The following CPSF3 variants were observed in gnomAD, a reference collection of about 807,000 sequenced individuals.
CPSF3 encodes the protein cleavage and polyadenylation specificity factor subunit 3.
In CPSF3, 57 loss-of-function variants were observed where a neutral mutation model predicts 84.1. The observed-to-expected ratio is 0.68, with a 90% CI of 0.55 to 0.85. CPSF3 has a LOEUF of 0.85. CPSF3 is among the 40% of genes least tolerant of loss of function. CPSF3 has a pLI of 0.00. For synonymous variants in CPSF3, 275 were observed against 278.1 expected, an observed-to-expected ratio of 0.99 and a Z score of 0.11; for missense variants, 522 against 838.8, an observed-to-expected ratio of 0.62 and a Z score of 4.66.
chr2:9,427,131 G>A (rs1680421083), intron 1 of CPSF3, among the ~76,000 whole-genome samples: 1 of 152,210 alleles, frequency 6.6e-6, no homozygotes, highest in African/African-American at 2.4e-5. Context: ...AGAGCAGACA[G>A]TGAGGAAAAT....
intron 11 of CPSF3, among the ~76,000 whole-genome samples, chr2:9,451,949 C>G (rs554664896): frequency 6.6e-6 from 1 of 152,182 alleles, no homozygotes; most frequent in East Asian, 2.0e-4. Flanking sequence ...ATCTCGTGAC[C>G]TCATGATCCG....
At chr2:9,431,840 C>T (rs937728233) in intron 4 of CPSF3, among the ~76,000 whole-genome samples, 3 of 152,002 alleles carry the variant, frequency 2.0e-5, no homozygotes, top group African/African-American at 4.8e-5. Context: ...GTTGAGCCAC[C>T]GCACCCAGCC....
intron 10 of CPSF3, among the ~76,000 whole-genome samples, chr2:9,444,223 G>T (rs1477057261): frequency 1.3e-5 from 2 of 148,518 alleles, no homozygotes; most frequent in East Asian, 3.9e-4. Context: ...CCGCCTCCCG[G>T]GTTCAAGCAG....
chr2:9,426,564 A>C (rs1680400260), intron 1 of CPSF3, among the ~76,000 whole-genome samples: 2 of 152,208 alleles, frequency 1.3e-5, no homozygotes, highest in South Asian at 4.1e-4. Flanking sequence ...CAGAAAGATG[A>C]GAATGAAGAT....
chr2:9,470,759 C>G (rs1682136124), intron 16 of CPSF3, among the ~76,000 whole-genome samples: 1 of 152,214 alleles, frequency 6.6e-6, no homozygotes, highest in African/African-American at 2.4e-5. Context: ...GTTTTCTTCA[C>G]ATGTAAAAGG....
chr2:9,453,351 T>C (rs1681400873), intron 12 of CPSF3, among the ~76,000 whole-genome samples: 1 of 152,258 alleles, frequency 6.6e-6, no homozygotes, highest in African/African-American at 2.4e-5. Context: ...GTTTGGTTTT[T>C]ATGACCTTTG....
rs1237566371 is a variant in CPSF3 at position 9,438,336 on chromosome 2, A to G, written c.760+1975A>G. On this transcript the variant is annotated intron_variant, in intron 7 of 17. Coordinates refer to ENST00000238112, the MANE Select transcript of CPSF3 (RefSeq NM_016207.4). ...TGAAATCAAAGTCTTCGTAACCTGT[A>G]AGATGAAGAACAGAGAAGTTAGGAA... is the stretch of plus-strand genomic sequence containing the variant. 2.6e-5 allele frequency among the ~76,000 whole-genome samples: 4 copies of G among 152,014 alleles called. No individual in the cohort carries two copies. In the East Asian group the frequency reaches 7.7e-4, roughly 29 times the overall value.
chr2:9,468,157 T>G (rs147598507), intron 16 of CPSF3, among the ~76,000 whole-genome samples: 76 of 152,364 alleles, frequency 5.0e-4, no homozygotes, highest in African/African-American at 1.8e-3. Context: ...TGTAAAATGG[T>G]GTTCTTCTAG....
chr2:9,439,160 A>C (rs1371825795), intron 7 of CPSF3, among the ~76,000 whole-genome samples: 1 of 152,266 alleles, frequency 6.6e-6, no homozygotes, highest in Admixed American at 6.5e-5. Context: ...TAAAATTATC[A>C]TTGATACATC....
At chr2:9,448,446 C>A in intron 11 of CPSF3, 96 bp downstream of exon 11, 1 of 1,043,364 alleles carries the variant, frequency 9.6e-7, no homozygotes, top group Non-Finnish European at 1.4e-6. Flanking sequence ...AAAGAATATG[C>A]TTATTTCTGT....
chr2:9,436,348 G>A lies in CPSF3; in HGVS notation c.747G>A (p.Leu249=), dbSNP rs776855088. ...PVFALGRAQE[L]LLILDEYWQN... is the part of the protein sequence containing the mutation. The stretch of plus-strand genomic sequence containing the variant: ...TTGCTCTTGGAAGGGCTCAGGAGCT[G>A]CTCTTGATTCTAGGTATGCCATTTC... Residue 249 remains leucine (L), a synonymous_variant, in exon 7 of 18, where the codon CTG becomes CTA. Transcript: ENST00000238112. 6.2e-6 allele frequency: 10 copies of A among 1,606,516 alleles called. No individual in the cohort carries two copies. The highest frequency in any genetic ancestry group is 7.6e-6 in the Non-Finnish European group (9 of 1,177,688).
At position 9,448,135 on chromosome 2, in the gene CPSF3, T is replaced by G. The variant is rs1390570839; in HGVS notation, c.1243-63T>G. 3 of 899,056 alleles carry G rather than the reference T, an allele frequency of 3.3e-6. No individual in the cohort carries two copies. The African/African-American group carries it at 5.1e-5, about 15-fold the overall frequency. 55.7% of individuals were successfully genotyped at this position (899,056 alleles called of 1,614,324 possible). On this transcript the variant is annotated intron_variant, in intron 10 of 17. Coordinates refer to ENST00000238112, the MANE Select transcript of CPSF3 (RefSeq NM_016207.4). ...ATATATTTCATATATTTAATTCAACTTAAGGACCATGATTAAGCTGAATGA... is the reference window on the plus strand; with the variant it reads ...ATATATTTCATATATTTAATTCAACGTAAGGACCATGATTAAGCTGAATGA...
chr2:9,460,964 C>A (rs1681709335), intron 15 of CPSF3, among the ~76,000 whole-genome samples: 1 of 152,056 alleles, frequency 6.6e-6, no homozygotes, highest in Non-Finnish European at 1.5e-5. Context: ...TATTATTGTT[C>A]CTTGAAAATA....
intron 9 of CPSF3, 111 bp from the exon 10 acceptor site, chr2:9,443,404 C>T (rs761565871): frequency 7.8e-5 from 79 of 1,010,774 alleles, no homozygotes; most frequent in East Asian, 1.0e-4. Context: ...TGATTTTGTG[C>T]GTAAGGTCCT....
intron 4 of CPSF3, among the ~76,000 whole-genome samples, chr2:9,432,226 T>C (rs947505901): frequency 6.6e-6 from 1 of 152,146 alleles, no homozygotes; most frequent in Non-Finnish European, 1.5e-5. Context: ...TCCTAAAGAG[T>C]ATTTTGTCTT....
chr2:9,454,964 T>A (rs566832519), intron 12 of CPSF3, among the ~76,000 whole-genome samples: 1 of 152,040 alleles, frequency 6.6e-6, no homozygotes, highest in Non-Finnish European at 1.5e-5. Context: ...ATGATACATA[T>A]GTGAAGAGAA....
chr2:9,430,174 T>C (rs1162406474), intron 3 of CPSF3, among the ~76,000 whole-genome samples, 154 bp downstream of exon 3: 1 of 152,250 alleles, frequency 6.6e-6, no homozygotes, highest in Non-Finnish European at 1.5e-5. Flanking sequence ...CTCCGTAATG[T>C]CATCACAGGC....
chr2:9,435,738 A>G (rs1680755162), intron 6 of CPSF3, among the ~76,000 whole-genome samples: 1 of 143,622 alleles, frequency 7.0e-6, no homozygotes, highest in African/African-American at 2.6e-5. Flanking sequence ...TTGTTGTTAA[A>G]TTTTATTTTT....
At chr2:9,430,985 T>C in intron 4 of CPSF3, 105 bp downstream of exon 4, 1 of 779,442 alleles carries the variant, frequency 1.3e-6, no homozygotes, top group Non-Finnish European at 2.1e-6. Flanking sequence ...CCTTTTCATG[T>C]ATAAGGATAT....
Sources: gnomAD v4.1 joint callset for allele counts (sites outside exome capture counted in the v4.1 genomes callset) on GRCh38, gnomAD v4.1.1 for gene constraint, MANE v1.5 for transcripts, NCBI Gene and HGNC (gene_info 2026-07-23, HGNC 2026-07-21) for gene names.